PTBP3: variants seen among roughly 807,000 people sequenced by gnomAD.
PTBP3 encodes the protein polypyrimidine tract-binding protein 3.
Under a neutral mutation model 58.7 loss-of-function variants are expected in PTBP3, and 20 were observed. The observed-to-expected ratio is 0.34, with a 90% CI of 0.24 to 0.50. The LOEUF (loss-of-function observed/expected upper bound fraction) is 0.50. Ranked by LOEUF, PTBP3 falls within the 20% of genes least tolerant of loss-of-function variation. The probability of loss-of-function intolerance (pLI) is 0.98; values close to 1 mark genes in which losing one functional copy is unlikely to be tolerated. For missense variants in PTBP3, 509 were observed against 637.2 expected (o/e 0.80, Z 2.17); for synonymous variants, 185 against 219.8 (o/e 0.84, Z 1.40).
downstream of PTBP3, chr9:112,218,348 C>G (rs1834691211): frequency 6.6e-6 from 1 of 152,154 alleles, no homozygotes; most frequent in Non-Finnish European, 1.5e-5. Flanking sequence ...AGATGGATGG[C>G]TATGGAAAAG....
chr9:112,283,232 C>G (rs1827955690), intron 2 of PTBP3, among the ~76,000 whole-genome samples: 1 of 152,144 alleles, frequency 6.6e-6, no homozygotes, highest in Admixed American at 6.5e-5. Flanking sequence ...GTGGAAGTGA[C>G]TTTGGAACTG....
At chr9:112,247,846 A>C (rs1364457187) in intron 7 of PTBP3, among the ~76,000 whole-genome samples, 1 of 152,206 alleles carries the variant, frequency 6.6e-6, no homozygotes, top group African/African-American at 2.4e-5. Flanking sequence ...AAGGGACATC[A>C]TATCTGCAAC....
At chr9:112,362,887 T>C in the PTBP3 span, 2 of 333,718 alleles carry the variant, frequency 6.0e-6, no homozygotes, top group African/African-American at 2.2e-5. Context: ...ACATTGGTTA[T>C]AGAGAAGCAA....
chr9:112,372,206 A>G, the PTBP3 span, among the ~76,000 whole-genome samples: 1 of 152,108 alleles, frequency 6.6e-6, no homozygotes, highest in Non-Finnish European at 1.5e-5. Context: ...CCTCCTGAGT[A>G]CCTGGAACTA....
At chr9:112,284,663 TC>T (rs762902564) in intron 2 of PTBP3, among the ~76,000 whole-genome samples, 22 of 152,110 alleles carry the variant, frequency 1.4e-4, no homozygotes, top group Non-Finnish European at 2.8e-4. Flanking sequence ...GCCACTGCAT[TC>T]CAGCCTGGGC....
chr9:112,292,290 A>T (rs1828468700), intron 2 of PTBP3, among the ~76,000 whole-genome samples: 1 of 152,228 alleles, frequency 6.6e-6, no homozygotes, highest in African/African-American at 2.4e-5. Context: ...ATAAGTATTC[A>T]CAAGGATGTG....
chr9:112,254,861 T>C (rs1017426333), intron 5 of PTBP3, among the ~76,000 whole-genome samples: 1 of 152,196 alleles, frequency 6.6e-6, no homozygotes, highest in African/African-American at 2.4e-5. Context: ...AGCAATTCTA[T>C]TTCTAGGTAT....
At chr9:112,341,495 T>G in the PTBP3 span, among the ~76,000 whole-genome samples, 1,424 of 151,754 alleles carry the variant, frequency 9.4e-3, 28 homozygotes, top group African/African-American at 0.032. Context: ...TTTCGTTGGG[T>G]GTGTGTGTGT....
At position 112,221,281 on chromosome 9, in the gene PTBP3, TCACA is replaced by T. The variant is rs148934435; in HGVS notation, c.*2566_*2569del. 1.1e-4 allele frequency: 103 copies of T among 979,460 alleles called. No homozygotes were observed. The highest frequency in any genetic ancestry group is 5.2e-4 in the Middle Eastern group (1 of 1,908). 60.7% of individuals were successfully genotyped at this position (979,460 alleles called of 1,614,324 possible). A position where few individuals can be genotyped will look rare whatever the true frequency, so the allele number is the denominator to read the frequency against. On this transcript the variant is annotated 3_prime_UTR_variant, in exon 14 of 14. Transcript: ENST00000374257. ...TACACTTATCTACACACACACACATTCACACACACACACAAACACACCCCTACAC... is the reference window on the plus strand; with the variant it reads ...TACACTTATCTACACACACACACATTCACACACACAAACACACCCCTACAC...
At chr9:112,287,103 T>A (rs939867820) in intron 2 of PTBP3, among the ~76,000 whole-genome samples, 1 of 152,190 alleles carries the variant, frequency 6.6e-6, no homozygotes, top group Non-Finnish European at 1.5e-5. Flanking sequence ...AATTTAATTA[T>A]GATAAGCCTG....
At chr9:112,258,540 C>T (rs1836465715) in intron 5 of PTBP3, among the ~76,000 whole-genome samples, 1 of 152,030 alleles carries the variant, frequency 6.6e-6, no homozygotes, top group African/African-American at 2.4e-5. Flanking sequence ...AACCCCTGCC[C>T]CAAATCTTTT....
At chr9:112,302,792 G>A (rs1431542684) in intron 1 of PTBP3, among the ~76,000 whole-genome samples, 1 of 152,000 alleles carries the variant, frequency 6.6e-6, no homozygotes, top group African/African-American at 2.4e-5. Flanking sequence ...GTTTCACCCT[G>A]TTGGTCAGGC....
chr9:112,222,069 A>G lies in PTBP3; in HGVS notation c.*1782T>C. 5 of 975,108 alleles carry G rather than the reference A, an allele frequency of 5.1e-6. No individual in the cohort carries two copies. The highest frequency in any genetic ancestry group is 6.1e-6 in the Non-Finnish European group (5 of 820,240). The allele number at this position is 975,108 out of a possible 1,614,324, so 60.4% of individuals were successfully genotyped here. ...ACAGGCTCAGCCTGTAGCTGGGACTACAGGCGCACAGGCGCACACCACCAT... is the reference window on the plus strand; with the variant it reads ...ACAGGCTCAGCCTGTAGCTGGGACTGCAGGCGCACAGGCGCACACCACCAT... On this transcript the variant is annotated 3_prime_UTR_variant, in exon 14 of 14. Transcript: ENST00000374257.
chr9:112,255,733 A>G (rs925579679), intron 5 of PTBP3, among the ~76,000 whole-genome samples: 2 of 152,156 alleles, frequency 1.3e-5, no homozygotes, highest in African/African-American at 2.4e-5. Context: ...TACATCAACA[A>G]TATGTAGTTG....
chr9:112,266,979 C>T (rs1836825308), intron 4 of PTBP3, among the ~76,000 whole-genome samples: 1 of 151,980 alleles, frequency 6.6e-6, no homozygotes, highest in Non-Finnish European at 1.5e-5. Flanking sequence ...ATTAATATTG[C>T]CTAAAATAAG....
intron 7 of PTBP3, among the ~76,000 whole-genome samples, chr9:112,244,967 G>A (rs977451769): frequency 6.6e-6 from 1 of 152,064 alleles, no homozygotes; most frequent in Admixed American, 6.6e-5. Context: ...AATGACAAAA[G>A]GAGACAACTA....
chr9:112,335,176 TATC>T (rs766845250), upstream of PTBP3, among the ~76,000 whole-genome samples: 9 of 152,174 alleles, frequency 5.9e-5, no homozygotes, highest in Non-Finnish European at 1.2e-4. Context: ...ATTGAAAAGT[TATC>T]ATTAATATTT....
At chr9:112,225,104 G>A (rs1424051833) in intron 12 of PTBP3, among the ~76,000 whole-genome samples, 1 of 152,168 alleles carries the variant, frequency 6.6e-6, no homozygotes, top group Non-Finnish European at 1.5e-5. Context: ...GAAGTCTGGG[G>A]TGGTCTGTTA....
chr9:112,304,631 A>T (rs10481635), intron 1 of PTBP3, among the ~76,000 whole-genome samples: 43,097 of 152,076 alleles, frequency 0.28, 6,972 homozygotes, highest in South Asian at 0.41. Context: ...CAGTGGGATG[A>T]TCATAGCTCA....
Sources: allele counts gnomAD v4.1 joint callset (sites outside exome capture counted in the v4.1 genomes callset), GRCh38; gene constraint gnomAD v4.1.1; transcripts MANE v1.5; gene names NCBI Gene and HGNC (gene_info 2026-07-23, HGNC 2026-07-21).